Variants in DHX37 observed in about 807,000 individuals in gnomAD.
DHX37 encodes the protein probable ATP-dependent RNA helicase DHX37.
DHX37 carries 52 observed loss-of-function variants against 134.3 expected under a neutral mutation model. The ratio of observed to expected loss-of-function variants is 0.39; its 90% CI spans 0.31 to 0.49. The LOEUF is 0.49. Among genes scored for constraint, DHX37 ranks in the 20% least tolerant of loss-of-function variants. The pLI, the probability that DHX37 is intolerant of heterozygous loss-of-function variation, is 0.93. For synonymous variants in DHX37, 634 were observed against 670.7 expected, an observed-to-expected ratio of 0.95 and a Z score of 0.85; for missense variants, 1,344 against 1,580.8, an observed-to-expected ratio of 0.85 and a Z score of 2.54.
chr12:124,964,905 C>G, intron 14 of DHX37, 25 bp downstream of exon 14: 2 of 1,571,952 alleles, frequency 1.3e-6, no homozygotes, highest in South Asian at 1.2e-5. Context: ...GCCCCAAAAG[C>G]TGGGCACCGG....
intron 16 of DHX37, among the ~76,000 whole-genome samples, chr12:124,958,424 TGCTCCCAGCCACACTGA>T (rs940219762): frequency 4.6e-5 from 7 of 152,094 alleles, no homozygotes; most frequent in African/African-American, 1.7e-4. Flanking sequence ...CTCCCGACAG[TGCTCCCAGCCACACTGA>T]GCTCCCAGCC....
At chr12:124,970,957 T>C (rs1375189353) in intron 8 of DHX37, among the ~76,000 whole-genome samples, 1 of 152,242 alleles carries the variant, frequency 6.6e-6, no homozygotes, top group African/African-American at 2.4e-5. Flanking sequence ...CAGGCCCACC[T>C]GCTCTGCTGA....
chr12:124,968,560 C>T lies in DHX37; in HGVS notation c.1382G>A (p.Cys461Tyr). 6.2e-7 allele frequency: 1 copy of T among 1,613,800 alleles called. No individual in the cohort carries two copies. Among genetic ancestry groups the T allele is most frequent in the Non-Finnish European group, 8.5e-7 (1 of 1,180,044 alleles). Residue 461 changes from cysteine (C) to tyrosine (Y), a missense_variant, in exon 10 of 27, where the codon TGC becomes TAC. By Grantham distance (194) the Cys-to-Tyr change is radical. This residue lies in a region of DHX37 where 289 missense variants were observed against 323.8 expected (regional missense o/e 0.89). Transcript: ENST00000308736. Reference sequence around the variant, plus strand: ...TGCGGGCAGCATCCGGTGGATCTTGCAGACCTTCCGGAAGCACTCGCCACT... The same window carrying T: ...TGCGGGCAGCATCCGGTGGATCTTGTAGACCTTCCGGAAGCACTCGCCACT... ...DYSGECFRKVCKIHRMLPAGG... is the reference protein window; with the variant it reads ...DYSGECFRKVYKIHRMLPAGG...
chr12:124,984,937 G>A (rs1350868432), intron 2 of DHX37, among the ~76,000 whole-genome samples: 2 of 152,140 alleles, frequency 1.3e-5, no homozygotes, highest in African/African-American at 2.4e-5. Flanking sequence ...GTATCTGAGC[G>A]CGACCTAAAT....
intron 2 of DHX37, among the ~76,000 whole-genome samples, chr12:124,985,893 T>A (rs1020434317): frequency 1.3e-5 from 2 of 151,560 alleles, no homozygotes; most frequent in East Asian, 3.9e-4. Context: ...TTCAGTTCAG[T>A]TCCTCTGCCA....
Position 124,972,484 on chromosome 12 carries a change from G to T in DHX37, c.1077+19C>A. ...CATGCCCACTGGCCTTGCTCTGTGA[G>T]CCAGGATCCACAACCAACCTTCTGG... On this transcript the variant is annotated intron_variant, in intron 7 of 26. Transcript: ENST00000308736. 1 of 1,613,672 alleles carries T rather than the reference G, an allele frequency of 6.2e-7. No individual in the cohort carries two copies.
Position 124,950,192 on chromosome 12 carries a change from A to G in DHX37, c.3173T>C (p.Ile1058Thr), listed in dbSNP as rs1953947396. 8.1e-6 allele frequency: 13 copies of G among 1,613,902 alleles called. No individual in the cohort carries two copies. Among genetic ancestry groups the G allele is most frequent in the Non-Finnish European group, 1.1e-5 (13 of 1,180,032 alleles). Reference sequence around the variant, plus strand: ...CCGGGCAAAGTGCTTGTAGCGGTCAATCCCCTCTGGAAAATCCACCTCGAT... The same window carrying G: ...CCGGGCAAAGTGCTTGTAGCGGTCAGTCCCCTCTGGAAAATCCACCTCGAT... ...PAIEVDFPEGIDRYKHFARFL... is the reference protein window; with the variant it reads ...PAIEVDFPEGTDRYKHFARFL... The change falls in exon 24 of 27, where the codon ATT becomes ACT. Residue 1058 changes from isoleucine (I) to threonine (T), a missense_variant. Coordinates refer to ENST00000308736, the MANE Select transcript of DHX37 (RefSeq NM_032656.4).
chr12:124,949,975 G>A lies in DHX37; in HGVS notation c.3290+11C>T, dbSNP rs749997163. 212 of 1,604,152 alleles carry A rather than the reference G, an allele frequency of 1.3e-4. No homozygotes were observed. The highest frequency in any genetic ancestry group is 1.2e-3 in the South Asian group (109 of 89,768). On this transcript the variant is annotated intron_variant, in intron 25 of 26. Coordinates refer to ENST00000308736, the MANE Select transcript of DHX37 (RefSeq NM_032656.4). The surrounding 1 kb of genome is among the most constrained non-coding windows in gnomAD (Gnocchi z 4.0). ...TCCTGCCCACTGCGAGGCTCCCACC[G>A]AAGGCAGTACCTGGCCCACGTCTTC...
rs1479285230 is a variant in DHX37 at position 124,967,355 on chromosome 12, T to A, written c.1409-137A>T. The A allele has an allele frequency of 8.6e-6, 8 of 925,122 alleles. No individual in the cohort carries two copies. The African/African-American group carries it at 1.2e-4, about 14-fold the overall frequency. 57.3% of individuals were successfully genotyped at this position (925,122 alleles called of 1,614,324 possible). On this transcript the variant is annotated intron_variant, in intron 10 of 26. Transcript: ENST00000308736. The stretch of plus-strand genomic sequence containing the variant: ...GAGGACAGGAGTACACAGACATAGA[T>A]GAGCAGGGGGCAGCACGCCCAGACT...
chr12:124,965,022 A>G lies in DHX37; in HGVS notation c.1736-16T>C. 2 of 1,587,042 alleles carry G rather than the reference A, an allele frequency of 1.3e-6. No individual in the cohort carries two copies. Among genetic ancestry groups the G allele is most frequent in the Non-Finnish European group, 1.7e-6 (2 of 1,168,432 alleles). On this transcript the variant is annotated splice_polypyrimidine_tract_variant and intron_variant, in intron 13 of 26. Transcript: ENST00000308736. ...GGCTGCTCACCTGGAGGGAAAGCAG[A>G]GGTCACTGGCACCCAGGCCGGGACA...
chr12:124,979,749 C>T (rs1565892567), intron 4 of DHX37, among the ~76,000 whole-genome samples: 2 of 152,334 alleles, frequency 1.3e-5, no homozygotes, highest in East Asian at 3.9e-4. Flanking sequence ...AGTGACCGCG[C>T]GGAGCAGAAC....
At chr12:124,955,195 GT>G (rs1179733998) in intron 18 of DHX37, among the ~76,000 whole-genome samples, 2 of 152,252 alleles carry the variant, frequency 1.3e-5, no homozygotes, top group Non-Finnish European at 2.9e-5. Flanking sequence ...ATTTCTGGGT[GT>G]TTCTTTGAAT....
chr12:124,961,830 A>G (rs990856601), intron 15 of DHX37, among the ~76,000 whole-genome samples: 3 of 152,222 alleles, frequency 2.0e-5, no homozygotes, highest in Non-Finnish European at 2.9e-5. Context: ...TAAAGGGCCA[A>G]TAAGTACATG....
At chr12:124,974,476 G>C (rs746330262) in intron 6 of DHX37, among the ~76,000 whole-genome samples, 1 of 123,548 alleles carries the variant, frequency 8.1e-6, no homozygotes. Context: ...AAGACAACAA[G>C]TCCCCCAACT....
At chr12:124,960,209 C>T (rs538284052) in intron 16 of DHX37, 103 bp downstream of exon 16, 390 of 1,513,400 alleles carry the variant, frequency 2.6e-4, no homozygotes, top group Non-Finnish European at 3.2e-4. Context: ...AAGCAGCTGC[C>T]GCAGGCCAGG....
chr12:124,979,215 A>C (rs1188773466), intron 4 of DHX37, among the ~76,000 whole-genome samples: 1 of 152,168 alleles, frequency 6.6e-6, no homozygotes, highest in Non-Finnish European at 1.5e-5. Flanking sequence ...AAAAAAATAC[A>C]AAGTTAGCCA....
intron 12 of DHX37, among the ~76,000 whole-genome samples, chr12:124,966,281 T>C (rs1398269434): frequency 6.6e-6 from 1 of 152,236 alleles, no homozygotes; most frequent in Non-Finnish European, 1.5e-5. Flanking sequence ...TTGGTCAGGT[T>C]GGACTTGAAC....
chr12:124,972,954 G>C (rs1163381551), intron 6 of DHX37, among the ~76,000 whole-genome samples: 2 of 152,238 alleles, frequency 1.3e-5, no homozygotes, highest in African/African-American at 4.8e-5. Context: ...TACTGCAGCT[G>C]TATGTGTTTC....
chr12:124,985,580 CAA>C (rs11327017), intron 2 of DHX37, among the ~76,000 whole-genome samples: 3,386 of 115,920 alleles, frequency 0.029, 130 homozygotes, highest in African/African-American at 0.099. Flanking sequence ...ACTAAAAATA[CAA>C]AAAAAAAAAA....
Sources: gnomAD v4.1 joint callset for allele counts (sites outside exome capture counted in the v4.1 genomes callset) on GRCh38, gnomAD v4.1.1 for gene constraint, gnomAD v4.1.1 regional missense constraint, Gnocchi (gnomAD v3.1) non-coding constraint, MANE v1.5 for transcripts, NCBI Gene and HGNC (gene_info 2026-07-23, HGNC 2026-07-21) for gene names.